Variants in HMOX2 observed in about 807,000 individuals in gnomAD.
The protein encoded by HMOX2 is heme oxygenase 2.
Under a neutral mutation model 33.7 loss-of-function variants are expected in HMOX2, and 30 were observed. The ratio of observed to expected loss-of-function variants is 0.89; its 90% CI spans 0.67 to 1.21. HMOX2 has a LOEUF of 1.21. Among genes scored for constraint, HMOX2 ranks in the 50% most tolerant of loss-of-function variants. HMOX2 has a pLI of 0.00. For synonymous variants in HMOX2, 155 were observed against 155.0 expected (o/e 1.00, Z 0.00); for missense variants, 403 against 399.1 (o/e 1.01, Z -0.08).
chr16:4,482,736 G>A (rs540589216), intron 1 of HMOX2, among the ~76,000 whole-genome samples: 1 of 152,254 alleles, frequency 6.6e-6, no homozygotes, highest in Non-Finnish European at 1.5e-5. Flanking sequence ...ATATTAAGAA[G>A]GATACAGATG....
intron 1 of HMOX2, among the ~76,000 whole-genome samples, chr16:4,493,203 C>T (rs985126967): frequency 6.6e-6 from 1 of 152,038 alleles, no homozygotes; most frequent in African/African-American, 2.4e-5. Flanking sequence ...CCACCCCCGT[C>T]TGCCTACCAG....
chr16:4,482,959 G>A, intron 1 of HMOX2, among the ~76,000 whole-genome samples: 1 of 152,032 alleles, frequency 6.6e-6, no homozygotes, highest in East Asian at 1.9e-4. Flanking sequence ...GGACCCTGGG[G>A]GCAGATGTTG....
intron 1 of HMOX2, among the ~76,000 whole-genome samples, chr16:4,499,959 C>G (rs112089759): frequency 8.6e-4 from 131 of 152,306 alleles, no homozygotes; most frequent in African/African-American, 3.1e-3. Flanking sequence ...CACAGGCACA[C>G]AAATCCTCTA....
intron 1 of HMOX2, among the ~76,000 whole-genome samples, chr16:4,498,175 G>A (rs1036254998): frequency 2.1e-5 from 3 of 145,742 alleles, no homozygotes; most frequent in African/African-American, 7.6e-5. Context: ...AGAAATTCTC[G>A]TGCCTCAGCC....
intron 1 of HMOX2, among the ~76,000 whole-genome samples, chr16:4,500,006 A>G (rs759238933): frequency 1.3e-5 from 2 of 152,138 alleles, no homozygotes; most frequent in Non-Finnish European, 2.9e-5. Context: ...CCATCTGTGT[A>G]TTTGCAACAG....
Position 4,490,194 on chromosome 16 carries a change from C to T in HMOX2, c.-42+13707C>T, listed in dbSNP as rs371414073. Among the ~76,000 whole-genome samples the T allele has an allele frequency of 3.3e-5, 5 of 152,262 alleles. No homozygotes were observed. The East Asian group carries it at 9.6e-4, about 29-fold the overall frequency. ...TAATATCAGGCCTACAATATTATCA[C>T]TTATGTTGTTTTTTGGATCTTATTT... is the stretch of plus-strand genomic sequence containing the variant. On this transcript the variant is annotated intron_variant, in intron 1 of 5. Coordinates refer to ENST00000570646, the MANE Select transcript of HMOX2 (RefSeq NM_002134.4).
At chr16:4,480,651 ATTTTTTTT>A (rs776262645) in intron 1 of HMOX2, among the ~76,000 whole-genome samples, 1 of 119,520 alleles carries the variant, frequency 8.4e-6, no homozygotes, top group Non-Finnish European at 1.8e-5. Flanking sequence ...AGGGCCTACT[ATTTTTTTT>A]TTTTTTTTTT....
upstream of HMOX2, among the ~76,000 whole-genome samples, chr16:4,475,282 G>A (rs147765960): frequency 6.6e-6 from 1 of 150,970 alleles, no homozygotes; most frequent in African/African-American, 2.4e-5. Context: ...GCTGCTACTT[G>A]CACTGATTTC....
chr16:4,501,547 G>C (rs541202394), intron 1 of HMOX2, among the ~76,000 whole-genome samples: 1 of 152,280 alleles, frequency 6.6e-6, no homozygotes, highest in South Asian at 2.1e-4. Flanking sequence ...GTATTTCCCA[G>C]AGTGGAATAT....
intron 1 of HMOX2, among the ~76,000 whole-genome samples, chr16:4,492,927 C>T (rs2058338175): frequency 6.6e-6 from 1 of 152,190 alleles, no homozygotes; most frequent in Admixed American, 6.5e-5. Context: ...GCCCCAGCTA[C>T]TCAGAAGGCT....
chr16:4,476,856 G>C (rs1227909027), intron 1 of HMOX2, among the ~76,000 whole-genome samples: 2 of 152,256 alleles, frequency 1.3e-5, no homozygotes, highest in Non-Finnish European at 2.9e-5. Context: ...CCCCGGGGTC[G>C]TAGCTGGGGG....
chr16:4,507,210 C>T (rs17883627), intron 3 of HMOX2, among the ~76,000 whole-genome samples, 198 bp downstream of exon 3: 1,804 of 152,090 alleles, frequency 0.012, 38 homozygotes, highest in African/African-American at 0.042. Context: ...TTTGGGAGGC[C>T]GAGGCAGGTG....
intron 4 of HMOX2, 32 bp downstream of exon 4, chr16:4,508,236 G>T (rs1338594456): frequency 3.2e-6 from 5 of 1,566,502 alleles, no homozygotes; most frequent in Non-Finnish European, 3.5e-6. Flanking sequence ...TGCTAGGGCT[G>T]AAGAGGGAAA....
At chr16:4,509,353 A>G in intron 4 of HMOX2, 59 bp from the exon 5 acceptor site, 1 of 1,541,882 alleles carries the variant, frequency 6.5e-7, no homozygotes, top group Non-Finnish European at 8.8e-7. Flanking sequence ...AGACATTTAA[A>G]AAAAAAAAAA....
intron 2 of HMOX2, 72 bp from the exon 3 acceptor site, chr16:4,506,823 T>G: frequency 8.8e-7 from 1 of 1,142,370 alleles, no homozygotes; most frequent in Non-Finnish European, 1.3e-6. Flanking sequence ...GGACTCAATC[T>G]TCTCTCTATG....
chr16:4,491,341 A>G (rs1457908638), intron 1 of HMOX2, among the ~76,000 whole-genome samples: 1 of 152,100 alleles, frequency 6.6e-6, no homozygotes, highest in Non-Finnish European at 1.5e-5. Flanking sequence ...ATCTTCCCTT[A>G]GGTCTTTTGC....
At position 4,507,896 on chromosome 16, in the gene HMOX2, G is replaced by A. The variant is rs1170209979; in HGVS notation, c.388G>A (p.Ala130Thr). ...GGAGGAGCAGGTGCAGTGCCCCAAG[G>A]CTGCCCAGAAGTACGTGGAGCGGAT... Reference protein sequence around the residue: ...NWEEQVQCPKAAQKYVERIHY... With the variant: ...NWEEQVQCPKTAQKYVERIHY... The change falls in exon 4 of 6, where the codon GCT becomes ACT. Residue 130 changes from alanine (A) to threonine (T), a missense_variant. By Grantham distance (58) the Ala-to-Thr change is moderately conservative. Transcript: ENST00000570646. 1.2e-6 allele frequency: 2 copies of A among 1,614,172 alleles called. No homozygotes were observed. The highest frequency in any genetic ancestry group is 1.1e-5 in the South Asian group (1 of 91,088).
chr16:4,491,733 G>C (rs890503083), intron 1 of HMOX2, among the ~76,000 whole-genome samples: 1 of 151,680 alleles, frequency 6.6e-6, no homozygotes, highest in Non-Finnish European at 1.5e-5. Context: ...TTTTGAGATG[G>C]AATCTCACTC....
At chr16:4,490,967 TTGAGTAGTATCCC>T in intron 1 of HMOX2, among the ~76,000 whole-genome samples, 1 of 152,152 alleles carries the variant, frequency 6.6e-6, no homozygotes, top group South Asian at 2.1e-4. Context: ...CTATAGGACA[TTGAGTAGTATCCC>T]TGACCTCTAC....
Sources: gnomAD v4.1 joint callset for allele counts (sites outside exome capture counted in the v4.1 genomes callset) on GRCh38, gnomAD v4.1.1 for gene constraint, MANE v1.5 for transcripts, NCBI Gene and HGNC (gene_info 2026-07-23, HGNC 2026-07-21) for gene names.